The following GDI2 variants were observed in gnomAD, a reference collection of about 807,000 sequenced individuals.
GDI2 encodes the protein GDP dissociation inhibitor 2.
GDI2 carries 22 observed loss-of-function variants against 54.2 expected under a neutral mutation model. The ratio of observed to expected loss-of-function variants is 0.41; its 90% CI spans 0.29 to 0.58. The LOEUF (loss-of-function observed/expected upper bound fraction) is 0.58. GDI2 is among the 20% of genes least tolerant of loss of function. The pLI, the probability that GDI2 is intolerant of heterozygous loss-of-function variation, is 0.35. For missense variants in GDI2, 422 were observed against 546.0 expected (o/e 0.77, Z 2.26); for synonymous variants, 177 against 182.1 (o/e 0.97, Z 0.23).
At chr10:5,796,691 T>A (rs1352810597) in intron 3 of GDI2, 72 bp downstream of exon 3, 1 of 804,232 alleles carries the variant, frequency 1.2e-6, no homozygotes, top group East Asian at 2.4e-5. Context: ...AATAGTACTC[T>A]GTCAAAAGTT....
At chr10:5,786,459 G>A (rs1448155942) in intron 4 of GDI2, among the ~76,000 whole-genome samples, 3 of 151,896 alleles carry the variant, frequency 2.0e-5, no homozygotes, top group South Asian at 2.1e-4. Flanking sequence ...GAGCCACCGC[G>A]CCTAAAATGC....
At chr10:5,780,734 A>G (rs1307858425) in intron 6 of GDI2, among the ~76,000 whole-genome samples, 1 of 152,222 alleles carries the variant, frequency 6.6e-6, no homozygotes, top group Non-Finnish European at 1.5e-5. Flanking sequence ...AGATCTCTAC[A>G]GTGAAAGCTG....
intron 8 of GDI2, among the ~76,000 whole-genome samples, chr10:5,767,318 G>GT (rs56770624): frequency 0.13 from 19,008 of 150,856 alleles, 1,249 homozygotes; most frequent in South Asian, 0.17. Flanking sequence ...TTTGTGATTG[G>GT]TTTTTTTTTG....
At chr10:5,805,863 T>C (rs1383639416) in intron 1 of GDI2, among the ~76,000 whole-genome samples, 1 of 152,218 alleles carries the variant, frequency 6.6e-6, no homozygotes, top group African/African-American at 2.4e-5. Context: ...TTCTCAGGTG[T>C]TGCAGATGCA....
At chr10:5,796,887 A>G (rs770231380) in intron 2 of GDI2, 25 bp from the exon 3 acceptor site, 3 of 1,130,612 alleles carry the variant, frequency 2.7e-6, no homozygotes, top group Non-Finnish European at 4.0e-6. Context: ...AAACATAGCC[A>G]TAATGTTAAC....
At chr10:5,793,162 T>TAGAAAATTAAGATAA (rs1366641666) in intron 4 of GDI2, among the ~76,000 whole-genome samples, 1 of 151,912 alleles carries the variant, frequency 6.6e-6, no homozygotes, top group Non-Finnish European at 1.5e-5. Flanking sequence ...ATCTGGCTAA[T>TAGAAAATTAAGATAA]TTTCTTATTT....
Position 5,776,405 on chromosome 10 carries a change from T to A in GDI2, c.720-2464A>T. The A allele has an allele frequency of 1.3e-6, 1 of 768,202 alleles. No homozygotes were observed. Among genetic ancestry groups the A allele is most frequent in the South Asian group, 1.4e-5 (1 of 70,782 alleles). The allele number at this position is 768,202 out of a possible 1,614,324, so 47.6% of individuals were successfully genotyped here. A position where few individuals can be genotyped will look rare whatever the true frequency, so the allele number is the denominator to read the frequency against. ...GCCCTTTCACAGAGAAATGCCTGCC[T>A]GAGATTCAAGGGATCTTTGACAGGG... is the stretch of plus-strand genomic sequence containing the variant. On this transcript the variant is annotated intron_variant, in intron 6 of 10. Coordinates refer to ENST00000380191, the MANE Select transcript of GDI2 (RefSeq NM_001494.4). This position sits in a 1 kb window ranked among gnomAD's most constrained non-coding sequence, Gnocchi z 5.3.
chr10:5,798,155 CAAATT>C (rs1365202672), intron 2 of GDI2, among the ~76,000 whole-genome samples: 1 of 152,210 alleles, frequency 6.6e-6, no homozygotes, highest in Non-Finnish European at 1.5e-5. Flanking sequence ...TAAGAATACT[CAAATT>C]AATTTATAAT....
chr10:5,804,718 A>G (rs1043677833), intron 1 of GDI2, among the ~76,000 whole-genome samples: 3 of 152,174 alleles, frequency 2.0e-5, no homozygotes, highest in African/African-American at 4.8e-5. Flanking sequence ...GTAAATACCC[A>G]TATCTGTTCA....
chr10:5,789,742 T>G (rs1263206481), intron 4 of GDI2, among the ~76,000 whole-genome samples: 1 of 152,238 alleles, frequency 6.6e-6, no homozygotes, highest in Non-Finnish European at 1.5e-5. Context: ...AGTTAAAATT[T>G]AATCACAAAA....
At chr10:5,809,858 C>T (rs192363091) in intron 1 of GDI2, among the ~76,000 whole-genome samples, 283 of 152,344 alleles carry the variant, frequency 1.9e-3, no homozygotes, top group Admixed American at 8.7e-3. Context: ...ATTGTCATCT[C>T]TACATGCTAA....
intron 1 of GDI2, among the ~76,000 whole-genome samples, chr10:5,800,949 T>C (rs1841257391): frequency 6.6e-6 from 1 of 152,104 alleles, no homozygotes; most frequent in African/African-American, 2.4e-5. Flanking sequence ...TTTTAATTTT[T>C]TTTTTTTATT....
chr10:5,794,090 G>A (rs1480850959), intron 4 of GDI2, among the ~76,000 whole-genome samples: 1 of 149,892 alleles, frequency 6.7e-6, no homozygotes, highest in African/African-American at 2.5e-5. Context: ...CTTGAACCTG[G>A]GAGGTAGAGG....
At chr10:5,778,418 C>A (rs1344627907) in intron 6 of GDI2, among the ~76,000 whole-genome samples, 1 of 152,176 alleles carries the variant, frequency 6.6e-6, no homozygotes, top group African/African-American at 2.4e-5. Context: ...TGACTATATG[C>A]ATTTTGTTAA....
At position 5,785,869 on chromosome 10, in the gene GDI2, T is replaced by C; in HGVS notation, c.570A>G (p.Ala190=). The C allele has an allele frequency of 6.2e-7, 1 of 1,603,012 alleles. No individual in the cohort carries two copies. The highest frequency in any genetic ancestry group is 8.5e-7 in the Non-Finnish European group (1 of 1,170,300). ...DVIDFTGHAL[A]LYRTDDYLDQ... ...ATACTTACTCATCAGTTCTGTAAAG[T>C]GCAAGAGCATGACCAGTAAAATCTA... The change falls in exon 5 of 11, where the codon GCA becomes GCG. Residue 190 remains alanine (A), a synonymous_variant. Transcript: ENST00000380191.
At chr10:5,801,014 A>G (rs1378784209) in intron 1 of GDI2, among the ~76,000 whole-genome samples, 1 of 151,934 alleles carries the variant, frequency 6.6e-6, no homozygotes, top group Admixed American at 6.6e-5. Flanking sequence ...GCAATGGCGC[A>G]ATCTCAGCTC....
intron 2 of GDI2, among the ~76,000 whole-genome samples, chr10:5,799,214 T>G (rs757227104): frequency 2.2e-4 from 34 of 151,942 alleles, no homozygotes; most frequent in Non-Finnish European, 4.4e-5. Context: ...GGTATGCATC[T>G]TTAGCCCCGC....
At chr10:5,795,902 C>CA (rs1050475223) in intron 3 of GDI2, among the ~76,000 whole-genome samples, 5 of 151,928 alleles carry the variant, frequency 3.3e-5, no homozygotes. Context: ...GCCTGGGTGA[C>CA]AGAGTGAAAC....
intron 4 of GDI2, among the ~76,000 whole-genome samples, chr10:5,792,605 A>G (rs956877957): frequency 6.6e-6 from 1 of 152,126 alleles, no homozygotes; most frequent in Non-Finnish European, 1.5e-5. Context: ...AGTGTTTACT[A>G]AAACAAGTGA....
Sources: gnomAD v4.1 joint callset for allele counts (sites outside exome capture counted in the v4.1 genomes callset) on GRCh38, gnomAD v4.1.1 for gene constraint, Gnocchi (gnomAD v3.1) non-coding constraint, MANE v1.5 for transcripts, NCBI Gene and HGNC (gene_info 2026-07-23, HGNC 2026-07-21) for gene names.